KLHL32: variants seen among roughly 807,000 people sequenced by gnomAD.
The protein encoded by KLHL32 is kelch-like protein 32.
In KLHL32, 35 loss-of-function variants were observed where a neutral mutation model predicts 64.8. The ratio of observed to expected loss-of-function variants is 0.54; its 90% CI spans 0.41 to 0.72. The LOEUF is 0.72. KLHL32 is among the 30% of genes least tolerant of loss of function. The pLI is 0.00. For missense variants in KLHL32, 589 were observed against 768.5 expected (o/e 0.77, Z 2.76); for synonymous variants, 259 against 281.0 (o/e 0.92, Z 0.78).
intron 3 of KLHL32, among the ~76,000 whole-genome samples, chr6:97,009,690 A>G (rs574069905): frequency 2.6e-5 from 4 of 152,306 alleles, no homozygotes; most frequent in Admixed American, 1.3e-4. Context: ...TGGAAGTGAA[A>G]TGTGATCTTG....
intron 2 of KLHL32, among the ~76,000 whole-genome samples, chr6:96,967,991 C>T (rs187486410): frequency 6.6e-6 from 1 of 152,158 alleles, no homozygotes; most frequent in African/African-American, 2.4e-5. Context: ...AAAATATCTT[C>T]AGAGCAAAGA....
chr6:97,095,294 G>A (rs1369404074), intron 6 of KLHL32, among the ~76,000 whole-genome samples: 1 of 152,150 alleles, frequency 6.6e-6, no homozygotes, highest in Non-Finnish European at 1.5e-5. Flanking sequence ...TGTACTCTTT[G>A]GAGTGAAGCC....
At chr6:97,115,457 C>G (rs1340317197) in intron 7 of KLHL32, among the ~76,000 whole-genome samples, 1 of 152,098 alleles carries the variant, frequency 6.6e-6, no homozygotes, top group Non-Finnish European at 1.5e-5. Flanking sequence ...TTTTGAAAAC[C>G]TTTTGATTAT....
chr6:97,100,372 T>C (rs1795547327), intron 6 of KLHL32, among the ~76,000 whole-genome samples: 1 of 152,148 alleles, frequency 6.6e-6, no homozygotes, highest in South Asian at 2.1e-4. Flanking sequence ...TGCAGCTCAC[T>C]GACAGTGTAG....
At chr6:96,995,749 A>G (rs1454998640) in intron 3 of KLHL32, among the ~76,000 whole-genome samples, 2 of 152,152 alleles carry the variant, frequency 1.3e-5, no homozygotes, top group African/African-American at 2.4e-5. Context: ...AACAAATATG[A>G]TGTCTCTCAT....
chr6:97,004,398 A>G (rs1439826198), intron 3 of KLHL32, among the ~76,000 whole-genome samples: 1 of 152,126 alleles, frequency 6.6e-6, no homozygotes, highest in Non-Finnish European at 1.5e-5. Context: ...GAGGTTTTCT[A>G]AGTATATAGT....
At chr6:97,001,294 C>A (rs1779003487) in intron 3 of KLHL32, among the ~76,000 whole-genome samples, 1 of 152,164 alleles carries the variant, frequency 6.6e-6, no homozygotes, top group Admixed American at 6.5e-5. Flanking sequence ...ACTCTCTATA[C>A]TTTCTACTCA....
the KLHL32 span, among the ~76,000 whole-genome samples, chr6:96,911,824 CTTTTTTTTTTTTTTTTT>C: frequency 1.8e-5 from 1 of 54,078 alleles, no homozygotes; most frequent in Non-Finnish European, 3.4e-5. Context: ...CTCGGTCCTT[CTTTTTTTTTTTTTTTTT>C]TTTTTTTTTT....
At chr6:97,010,588 T>C (rs1358622016) in intron 3 of KLHL32, among the ~76,000 whole-genome samples, 2 of 152,222 alleles carry the variant, frequency 1.3e-5, no homozygotes, top group African/African-American at 2.4e-5. Context: ...TCCTCAATTT[T>C]GTGTGTGTAT....
At chr6:96,943,079 TACAC>T (rs1159211268) in intron 1 of KLHL32, among the ~76,000 whole-genome samples, 6 of 149,018 alleles carry the variant, frequency 4.0e-5, no homozygotes, top group Admixed American at 6.7e-5. Context: ...ACTCTGTACA[TACAC>T]ACACATATAT....
chr6:96,925,840 T>A lies in KLHL32; in HGVS notation c.-66+814T>A, dbSNP rs1769076276. Among the ~76,000 whole-genome samples, 4 of 152,214 alleles carry A rather than the reference T, an allele frequency of 2.6e-5. No homozygotes were observed. In the South Asian group the frequency reaches 6.2e-4, roughly 24 times the overall value. On this transcript the variant is annotated intron_variant, in intron 1 of 10. Coordinates refer to ENST00000369261, the MANE Select transcript of KLHL32 (RefSeq NM_052904.4). Reference sequence around the variant, plus strand: ...TCATTTCTGAGAAGATTCTGTTTTTTAAAAAATCTCTTATTGATTATTTTT... The same window carrying A: ...TCATTTCTGAGAAGATTCTGTTTTTAAAAAAATCTCTTATTGATTATTTTT...
chr6:97,007,127 T>C (rs1313793120), intron 3 of KLHL32, among the ~76,000 whole-genome samples: 1 of 152,188 alleles, frequency 6.6e-6, no homozygotes, highest in African/African-American at 2.4e-5. Context: ...TTAGGGATGC[T>C]AATGAATTGT....
At chr6:97,056,169 G>C (rs1353893384) in intron 4 of KLHL32, among the ~76,000 whole-genome samples, 1 of 137,828 alleles carries the variant, frequency 7.3e-6, no homozygotes, top group Non-Finnish European at 1.5e-5. Flanking sequence ...GCAGTGGCAC[G>C]ATCTCGGCTC....
chr6:96,932,574 CCTT>C (rs1562168760), intron 1 of KLHL32, among the ~76,000 whole-genome samples: 1 of 133,982 alleles, frequency 7.5e-6, no homozygotes, highest in Non-Finnish European at 1.6e-5. Context: ...TCCCCCCCCC[CCTT>C]TTTTTTTTTG....
chr6:97,063,706 G>T (rs551135389), intron 4 of KLHL32, among the ~76,000 whole-genome samples: 1 of 152,204 alleles, frequency 6.6e-6, no homozygotes, highest in Non-Finnish European at 1.5e-5. Context: ...TACTGATTCA[G>T]TATGTCTGGG....
At chr6:97,095,987 T>C in intron 6 of KLHL32, among the ~76,000 whole-genome samples, 1 of 152,162 alleles carries the variant, frequency 6.6e-6, no homozygotes, top group East Asian at 1.9e-4. Context: ...TCTAGATACA[T>C]TCCTGGTGAG....
chr6:96,903,154 A>G, the KLHL32 span, among the ~76,000 whole-genome samples: 1 of 152,138 alleles, frequency 6.6e-6, no homozygotes, highest in Non-Finnish European at 1.5e-5. Flanking sequence ...AGAATATAAA[A>G]TCTGACAAAT....
intron 3 of KLHL32, among the ~76,000 whole-genome samples, chr6:97,007,797 G>A (rs564268880): frequency 6.6e-6 from 1 of 152,300 alleles, no homozygotes; most frequent in Non-Finnish European, 1.5e-5. Flanking sequence ...AACTCTGGGG[G>A]GCTGGCAGTG....
rs1778086811 is a variant in KLHL32, at chr6:96,993,254, C to T, written c.204+17077C>T. Among the ~76,000 whole-genome samples, 3 of 152,230 alleles carry T rather than the reference C, an allele frequency of 2.0e-5. No homozygotes were observed. The South Asian group carries it at 6.2e-4, about 31-fold the overall frequency. On this transcript the variant is annotated intron_variant, in intron 3 of 10. Coordinates refer to ENST00000369261, the MANE Select transcript of KLHL32 (RefSeq NM_052904.4). ...GGTCTGTCAGCTCAGCTGATCTCTA[C>T]TGGATTTGCTTTTGCATCAGTGGTT...
Sources: gnomAD v4.1 joint callset for allele counts (sites outside exome capture counted in the v4.1 genomes callset) on GRCh38, gnomAD v4.1.1 for gene constraint, MANE v1.5 for transcripts, NCBI Gene and HGNC (gene_info 2026-07-23, HGNC 2026-07-21) for gene names.